Variants in CENPW observed in about 807,000 individuals in gnomAD.
CENPW encodes cancer-up-regulated gene 2 protein.
A neutral mutation model predicts 11.1 loss-of-function variants in CENPW; 3 were observed. The observed-to-expected ratio is 0.27, with a 90% CI of 0.12 to 0.70. CENPW has a LOEUF of 0.70. CENPW is among the 30% of genes least tolerant of loss of function. The pLI, the probability that CENPW is intolerant of heterozygous loss-of-function variation, is 0.77. For missense variants in CENPW, 100 were observed against 105.6 expected (o/e 0.95, Z 0.23); for synonymous variants, 38 against 42.0 (o/e 0.91, Z 0.37).
intron 2 of CENPW, among the ~76,000 whole-genome samples, chr6:126,347,008 A>G (rs1780424706): frequency 6.6e-6 from 1 of 152,196 alleles, no homozygotes; most frequent in South Asian, 2.1e-4. Context: ...TGTTATTTTT[A>G]TATAATGTTA....
the CENPW span, among the ~76,000 whole-genome samples, chr6:126,414,464 A>G: frequency 7.9e-5 from 12 of 152,166 alleles, no homozygotes; most frequent in African/African-American, 2.4e-4. Context: ...CTTTTCTCGT[A>G]TCAGTGAACT....
chr6:126,364,441 A>G, the CENPW span, among the ~76,000 whole-genome samples: 1 of 152,066 alleles, frequency 6.6e-6, no homozygotes, highest in African/African-American at 2.4e-5. Context: ...CCTTTCCCCA[A>G]AGTTTCCTGT....
At chr6:126,402,771 G>A in the CENPW span, among the ~76,000 whole-genome samples, 1 of 151,980 alleles carries the variant, frequency 6.6e-6, no homozygotes, top group African/African-American at 2.4e-5. Context: ...ATGAACGTTT[G>A]AGTTGTTTCC....
At chr6:126,376,243 A>T in the CENPW span, among the ~76,000 whole-genome samples, 11 of 152,204 alleles carry the variant, frequency 7.2e-5, no homozygotes, top group African/African-American at 2.7e-4. Context: ...ACATAAGCTG[A>T]TAGCCATTCA....
chr6:126,354,064 G>GTT, the CENPW span, among the ~76,000 whole-genome samples: 1 of 148,860 alleles, frequency 6.7e-6, no homozygotes, highest in African/African-American at 2.5e-5. Flanking sequence ...TGGAGTATCT[G>GTT]TTTTTTTTTC....
At chr6:126,455,581 G>C in the CENPW span, among the ~76,000 whole-genome samples, 2 of 151,190 alleles carry the variant, frequency 1.3e-5, no homozygotes, top group East Asian at 1.9e-4. Flanking sequence ...AAAATAACAA[G>C]AGCCATCTAT....
the CENPW span, among the ~76,000 whole-genome samples, chr6:126,387,572 A>G: frequency 1.3e-5 from 2 of 151,934 alleles, no homozygotes; most frequent in Non-Finnish European, 2.9e-5. Flanking sequence ...TTTTAAGCCT[A>G]ACTGCAATAT....
the CENPW span, among the ~76,000 whole-genome samples, chr6:126,426,675 A>G: frequency 6.6e-6 from 1 of 152,172 alleles, no homozygotes; most frequent in Non-Finnish European, 1.5e-5. Context: ...ATTCATAAGG[A>G]TAAAATGAAC....
At chr6:126,418,308 G>T in the CENPW span, among the ~76,000 whole-genome samples, 1 of 152,160 alleles carries the variant, frequency 6.6e-6, no homozygotes, top group Admixed American at 6.5e-5. Context: ...GCTCATAGCA[G>T]CGTTATTCAT....
the CENPW span, among the ~76,000 whole-genome samples, chr6:126,429,161 T>C: frequency 1.3e-5 from 2 of 152,232 alleles, no homozygotes; most frequent in African/African-American, 4.8e-5. Flanking sequence ...TATCTTCTTG[T>C]AGGCTAATGA....
chr6:126,420,837 G>A, the CENPW span, among the ~76,000 whole-genome samples: 1 of 152,056 alleles, frequency 6.6e-6, no homozygotes, highest in African/African-American at 2.4e-5. Context: ...TTGAAGGCCA[G>A]GTTCAGTTTC....
the CENPW span, among the ~76,000 whole-genome samples, chr6:126,459,682 A>G: frequency 6.6e-6 from 1 of 151,710 alleles, no homozygotes; most frequent in Admixed American, 6.6e-5. Flanking sequence ...TGGAGAAATC[A>G]AATGTCTTGG....
the CENPW span, among the ~76,000 whole-genome samples, chr6:126,375,723 C>G: frequency 2.2e-4 from 33 of 152,066 alleles, no homozygotes; most frequent in Non-Finnish European, 4.1e-4. Context: ...TATTCCTCTC[C>G]TGTTTCTTTT....
intron 2 of CENPW, 22 bp downstream of exon 2, chr6:126,346,340 T>C: frequency 6.7e-7 from 1 of 1,482,124 alleles, no homozygotes; most frequent in Non-Finnish European, 9.4e-7. Context: ...ATTTCTTTTC[T>C]CGAGCAAGAA....
intron 1 of CENPW, among the ~76,000 whole-genome samples, chr6:126,344,084 A>G (rs1333343368): frequency 2.6e-5 from 4 of 152,206 alleles, no homozygotes; most frequent in Non-Finnish European, 4.4e-5. Context: ...TGCAATAATA[A>G]TTATTAGCTG....
chr6:126,464,898 C>G, the CENPW span, among the ~76,000 whole-genome samples: 1 of 152,108 alleles, frequency 6.6e-6, no homozygotes, highest in Non-Finnish European at 1.5e-5. Context: ...GGAAAACCTA[C>G]AGCTAATATT....
At chr6:126,421,280 T>C in the CENPW span, among the ~76,000 whole-genome samples, 4 of 152,126 alleles carry the variant, frequency 2.6e-5, no homozygotes, top group Non-Finnish European at 4.4e-5. Flanking sequence ...TTTAAACTCA[T>C]ATTATGCCAT....
At chr6:126,470,597 A>C in the CENPW span, among the ~76,000 whole-genome samples, 1 of 152,220 alleles carries the variant, frequency 6.6e-6, no homozygotes, top group East Asian at 1.9e-4. Context: ...TCCAGACCCC[A>C]GAATGGTAGA....
intron 2 of CENPW, among the ~76,000 whole-genome samples, chr6:126,347,266 C>G (rs1334082582): frequency 2.0e-5 from 3 of 152,118 alleles, no homozygotes; most frequent in Admixed American, 2.0e-4. Flanking sequence ...GACAGTCTAC[C>G]TCTTTGTAGA....
Sources: allele counts gnomAD v4.1 joint callset (sites outside exome capture counted in the v4.1 genomes callset), GRCh38; gene constraint gnomAD v4.1.1; transcripts MANE v1.5; gene names NCBI Gene and HGNC (gene_info 2026-07-23, HGNC 2026-07-21).